Variants in FLNA observed in about 807,000 individuals in gnomAD.
FLNA encodes filamin A.
A neutral mutation model predicts 157.6 loss-of-function variants in FLNA; 7 were observed. That is an observed-to-expected ratio of 0.04 (90% CI 0.03 to 0.08). The LOEUF (loss-of-function observed/expected upper bound fraction) is 0.08, where lower values mean the gene tolerates loss of function less well. Ranked by LOEUF, FLNA falls within the 10% of genes least tolerant of loss-of-function variation. The probability of loss-of-function intolerance (pLI) is 1.00; values close to 1 mark genes in which losing one functional copy is unlikely to be tolerated. For synonymous variants in FLNA, 1,103 were observed against 1,060.8 expected (o/e 1.04, Z -0.77); for missense variants, 1,750 against 2,398.4 (o/e 0.73, Z 5.65).
rs2148099708 is a variant in FLNA, at chrX:154,348,936, C to T, written c.7857G>A (p.Leu2619=). 1 of 1,210,296 alleles carries T rather than the reference C, an allele frequency of 8.3e-7. No individual in the cohort carries two copies. Among genetic ancestry groups the T allele is most frequent in the Non-Finnish European group, 1.1e-6 (1 of 894,224 alleles). The change falls in exon 48 of 48, where the codon CTG becomes CTA. Residue 2619 remains leucine, a synonymous_variant. Coordinates refer to ENST00000369850, the MANE Select transcript of FLNA (RefSeq NM_001110556.2). ...VGSRLYSVSY[L]LKDKGEYTLV... ...GTGTGTACTCCCCCTTGTCCTTGAG[C>T]AGGTAGGACACGCTGTAGAGCCGGC... is the stretch of plus-strand genomic sequence containing the variant.
rs199802825 is a variant in FLNA at position 154,352,434 on chromosome X, C to T, written c.6516G>A (p.Gln2172=). 282 of 1,210,859 alleles carry T rather than the reference C, an allele frequency of 2.3e-4. No individual in the cohort carries two copies. In the African/African-American group the frequency reaches 4.5e-3, roughly 19 times the overall value. ...GGCTGGTCACCTGGGCTGTCATATCCTGGATGCTAATTTCTGCAGGGTGGG... is the reference window on the plus strand; with the variant it reads ...GGCTGGTCACCTGGGCTGTCATATCTTGGATGCTAATTTCTGCAGGGTGGG... ...LSLKIPEISI[Q]DMTAQVTSPS... The change falls in exon 41 of 48, where the codon CAG becomes CAA. Residue 2172 remains glutamine (Q), a synonymous_variant. Coordinates refer to ENST00000369850, the MANE Select transcript of FLNA (RefSeq NM_001110556.2).
intron 2 of FLNA, 79 bp from the exon 3 acceptor site, chrX:154,368,169 G>A: frequency 2.5e-6 from 3 of 1,190,653 alleles, no homozygotes; most frequent in South Asian, 1.8e-5. Flanking sequence ...TCAGGGTCTG[G>A]CAGCACGGGG....
At chrX:154,361,195 G>GAA (rs34190826) in intron 21 of FLNA, 113 bp downstream of exon 21, 1,482 of 578,717 alleles carry the variant, frequency 2.6e-3, no homozygotes, top group African/African-American at 5.2e-3. Flanking sequence ...TCTGTCTCAG[G>GAA]AAAAAAAAAA....
chrX:154,358,780 C>A, intron 26 of FLNA: 1 of 590,579 alleles, frequency 1.7e-6, no homozygotes. Context: ...CCTGCCACAT[C>A]TGCTCAGTGA....
chrX:154,354,528 C>G (rs373143315), intron 32 of FLNA, 45 bp from the exon 33 acceptor site: 145 of 1,178,639 alleles, frequency 1.2e-4, no homozygotes, highest in Non-Finnish European at 1.5e-4. Context: ...GTGGGAGGAT[C>G]TGGGGTCCCT....
chrX:154,348,801 G>A lies in FLNA; in HGVS notation c.*48C>T. The stretch of plus-strand genomic sequence containing the variant: ...TGAGGGGAAGAGGGCGGGGCTGCTT[G>A]GGTAGCGGGGCAGGCTTGGGGGCTG... On this transcript the variant is annotated 3_prime_UTR_variant, in exon 48 of 48. Coordinates refer to ENST00000369850, the MANE Select transcript of FLNA (RefSeq NM_001110556.2). The A allele has an allele frequency of 8.8e-7, 1 of 1,138,297 alleles. No individual in the cohort carries two copies. The highest frequency in any genetic ancestry group is 1.2e-6 in the Non-Finnish European group (1 of 839,076). 93.8% of individuals were successfully genotyped at this position (1,138,297 alleles called of 1,213,427 possible).
rs782374592 is a variant in FLNA at position 154,360,486 on chromosome X, C to T, written c.3309G>A (p.Thr1103=). 1.8e-5 allele frequency: 22 copies of T among 1,210,316 alleles called. No homozygotes were observed. In the East Asian group the frequency reaches 3.6e-4, roughly 20 times the overall value. The change falls in exon 22 of 48, where the codon ACG becomes ACA. Residue 1103 remains threonine, a synonymous_variant. Coordinates refer to ENST00000369850, the MANE Select transcript of FLNA (RefSeq NM_001110556.2). ...KGAGTGGLGL[T]VEGPCEAQLE... is the part of the protein sequence containing the mutation. ...GCTGCGCCTCACAGGGGCCCTCCAC[C>T]GTCAGGCCCAGGCCACCTGTGCCGG...
At position 154,354,917 on chromosome X, in the gene FLNA, C is replaced by T. The variant is rs782286237; in HGVS notation, c.5125G>A (p.Asp1709Asn). Residue 1709 changes from aspartate to asparagine, a missense_variant, in exon 31 of 48, where the codon GAC becomes AAC. Transcript: ENST00000369850. Reference protein sequence around the residue: ...DVVENEDGTFDIFYTAPQPGK... With the variant: ...DVVENEDGTFNIFYTAPQPGK... ...GGCTGGGGGGCCGTGTAGAAGATGT[C>T]GAAAGTGCCGTCCTCATTCTCCACC... is the stretch of plus-strand genomic sequence containing the variant. The T allele has an allele frequency of 1.7e-6, 2 of 1,211,910 alleles. No individual in the cohort carries two copies. Among genetic ancestry groups the T allele is most frequent in the Non-Finnish European group, 2.2e-6 (2 of 895,547 alleles).
intron 28 of FLNA, among the ~76,000 whole-genome samples, chrX:154,357,992 G>A (rs2067675789): frequency 8.9e-6 from 1 of 112,503 alleles, no homozygotes; most frequent in South Asian, 3.6e-4. Flanking sequence ...CGTGCTCAAA[G>A]TTAGCAGCAA....
chrX:154,357,193 A>G, intron 30 of FLNA, 58 bp downstream of exon 30: 2 of 1,120,867 alleles, frequency 1.8e-6, no homozygotes, highest in South Asian at 3.7e-5. Flanking sequence ...CCAAGAGGAA[A>G]GGAAGCTGCC....
intron 14 of FLNA, 33 bp downstream of exon 14, chrX:154,364,226 C>G (rs1557178655): frequency 8.3e-7 from 1 of 1,208,397 alleles, no homozygotes; most frequent in South Asian, 1.8e-5. Flanking sequence ...GTGCCCACAC[C>G]TGCCCTGCCC....
At chrX:154,372,014 C>T (rs187700800) in intron 1 of FLNA, among the ~76,000 whole-genome samples, 1 of 113,997 alleles carries the variant, frequency 8.8e-6, no homozygotes, top group Non-Finnish European at 1.9e-5. Flanking sequence ...GCCACGGGCC[C>T]GCCTTCCCAG....
intron 30 of FLNA, 74 bp downstream of exon 30, chrX:154,357,177 T>C (rs1285775656): frequency 9.9e-7 from 1 of 1,009,527 alleles, no homozygotes; most frequent in African/African-American, 1.9e-5. Flanking sequence ...GTCCTGGGAA[T>C]CGGCCCCAAG....
Position 154,348,786 on chromosome X carries a change from A to T in FLNA, c.*63T>A. On this transcript the variant is annotated 3_prime_UTR_variant, in exon 48 of 48. Transcript: ENST00000369850. Reference sequence around the variant, plus strand: ...GGCCTGGGCCGGGGTTGAGGGGAAGAGGGCGGGGCTGCTTGGGTAGCGGGG... The same window carrying T: ...GGCCTGGGCCGGGGTTGAGGGGAAGTGGGCGGGGCTGCTTGGGTAGCGGGG... 9.3e-7 allele frequency: 1 copy of T among 1,079,680 alleles called. No individual in the cohort carries two copies. The highest frequency in any genetic ancestry group is 1.3e-6 in the Non-Finnish European group (1 of 795,073). The allele number at this position is 1,079,680 out of a possible 1,213,427, so 89.0% of individuals were successfully genotyped here. A position where few individuals can be genotyped will look rare whatever the true frequency, so the allele number is the denominator to read the frequency against.
At chrX:154,368,455 G>A (rs782608092) in intron 2 of FLNA, among the ~76,000 whole-genome samples, 17 of 112,474 alleles carry the variant, frequency 1.5e-4, no homozygotes, top group Non-Finnish European at 3.0e-4. Context: ...GCAGGGGTCC[G>A]CCACACACCT....
intron 1 of FLNA, among the ~76,000 whole-genome samples, chrX:154,372,638 CAGCCTG>C (rs1944553425): frequency 9.0e-6 from 1 of 110,796 alleles, no homozygotes; most frequent in South Asian, 3.8e-4. Context: ...AGTCAGAAGC[CAGCCTG>C]CCTATGGCTT....
At chrX:154,350,728 G>A in intron 44 of FLNA, 181 bp downstream of exon 44, 1 of 503,901 alleles carries the variant, frequency 2.0e-6, no homozygotes, top group East Asian at 3.4e-5. Flanking sequence ...CCTAATAGCT[G>A]TGGGTGGCGA....
chrX:154,367,273 G>T, intron 5 of FLNA, 124 bp downstream of exon 5: 1 of 719,931 alleles, frequency 1.4e-6, no homozygotes, highest in Non-Finnish European at 2.1e-6. Flanking sequence ...TCTGACTCTT[G>T]GGTGGCTTGA....
At chrX:154,352,106 C>T (rs2067624413) in intron 41 of FLNA, 75 bp downstream of exon 41, 9 of 1,204,550 alleles carry the variant, frequency 7.5e-6, no homozygotes, top group South Asian at 5.3e-5. Context: ...ACATGCCTGC[C>T]GGCTCTTTCC....
Sources: allele counts gnomAD v4.1 joint callset (sites outside exome capture counted in the v4.1 genomes callset), GRCh38; gene constraint gnomAD v4.1.1; transcripts MANE v1.5; gene names NCBI Gene and HGNC (gene_info 2026-07-23, HGNC 2026-07-21).